STXBP6: variants seen among roughly 807,000 people sequenced by gnomAD.
STXBP6 encodes the protein syntaxin binding protein 6, also known as syntaxin-binding protein 6.
Under a neutral mutation model 26.9 loss-of-function variants are expected in STXBP6, and 21 were observed. That is an observed-to-expected ratio of 0.78 (90% CI 0.55 to 1.12). The LOEUF (loss-of-function observed/expected upper bound fraction) is 1.12, where lower values mean the gene tolerates loss of function less well. Among genes scored for constraint, STXBP6 ranks in the 50% most tolerant of loss-of-function variants. The pLI, the probability that STXBP6 is intolerant of heterozygous loss-of-function variation, is 0.00. For synonymous variants in STXBP6, 97 were observed against 92.6 expected, an observed-to-expected ratio of 1.05 and a Z score of -0.27; for missense variants, 232 against 257.9, an observed-to-expected ratio of 0.90 and a Z score of 0.69.
intron 2 of STXBP6, among the ~76,000 whole-genome samples, chr14:24,973,379 C>CTTTTTTTTT (rs1057437135): frequency 5.2e-5 from 4 of 76,800 alleles, no homozygotes; most frequent in African/African-American, 6.9e-5. Context: ...AGCTTTCTTC[C>CTTTTTTTTT]TTTTTTTTTT....
intron 2 of STXBP6, among the ~76,000 whole-genome samples, chr14:24,883,489 T>C (rs1384321425): frequency 3.9e-5 from 6 of 152,194 alleles, no homozygotes; most frequent in Admixed American, 3.3e-4. Context: ...AAAAATTGTA[T>C]CAAGGAAACC....
At chr14:25,039,070 T>C (rs908328452) in intron 1 of STXBP6, among the ~76,000 whole-genome samples, 26 of 152,210 alleles carry the variant, frequency 1.7e-4, no homozygotes, top group African/African-American at 6.3e-4. Flanking sequence ...GTTAACTAGC[T>C]TGATTTAGTC....
chr14:24,850,911 A>T (rs8014742), intron 4 of STXBP6, among the ~76,000 whole-genome samples: 19,885 of 152,132 alleles, frequency 0.13, 1,445 homozygotes, highest in African/African-American at 0.19. Context: ...TGAAGAATAA[A>T]TTATTTTTTC....
At chr14:24,924,773 G>A (rs1347211703) in intron 2 of STXBP6, among the ~76,000 whole-genome samples, 1 of 152,128 alleles carries the variant, frequency 6.6e-6, no homozygotes, top group East Asian at 1.9e-4. Context: ...ACCCATACAG[G>A]GTCATGGCTC....
At chr14:24,885,243 T>C (rs541809453) in intron 2 of STXBP6, among the ~76,000 whole-genome samples, 45 of 152,298 alleles carry the variant, frequency 3.0e-4, no homozygotes, top group Non-Finnish European at 5.7e-4. Context: ...ACCTGATACG[T>C]TGGAATTGAG....
At chr14:24,913,451 T>C (rs932687862) in intron 2 of STXBP6, among the ~76,000 whole-genome samples, 1 of 152,126 alleles carries the variant, frequency 6.6e-6, no homozygotes. Flanking sequence ...ATGCATCCCT[T>C]GAATATGTAC....
At position 24,845,749 on chromosome 14, in the gene STXBP6, A is replaced by G. The variant is rs913693273; in HGVS notation, c.451+10187T>C. 5.3e-5 allele frequency among the ~76,000 whole-genome samples: 8 copies of G among 152,294 alleles called. 2 individuals are homozygous for G. Among genetic ancestry groups the G allele is most frequent in the Admixed American group, 3.9e-4 (6 of 15,290 alleles). On this transcript the variant is annotated intron_variant, in intron 4 of 5. Coordinates refer to ENST00000323944, the MANE Select transcript of STXBP6 (RefSeq NM_001394410.1). Reference sequence around the variant, plus strand: ...GTGCATGGTAAGAGGGACTTTGCAGATATGATAAGTATCTCCAGAGGGGAA... The same window carrying G: ...GTGCATGGTAAGAGGGACTTTGCAGGTATGATAAGTATCTCCAGAGGGGAA...
At chr14:24,958,100 T>C (rs1265331100) in intron 2 of STXBP6, among the ~76,000 whole-genome samples, 2 of 152,196 alleles carry the variant, frequency 1.3e-5, no homozygotes, top group African/African-American at 4.8e-5. Flanking sequence ...CTCTACAAAG[T>C]ACCTCTCATA....
chr14:25,048,843 T>G (rs1485034123), intron 1 of STXBP6: 1 of 152,280 alleles, frequency 6.6e-6, no homozygotes, highest in Non-Finnish European at 1.5e-5. Flanking sequence ...CAGGAAAAAT[T>G]CGTCGGCATC....
chr14:25,040,393 G>A lies in STXBP6; in HGVS notation c.-33+9485C>T, dbSNP rs114479063. On this transcript the variant is annotated intron_variant, in intron 1 of 5. Transcript: ENST00000323944. ...ATTTGAGAGCTAAAAGTCTACTGAGGCTGCTACATAGTACTGCAGGACCTT... is the reference window on the plus strand; with the variant it reads ...ATTTGAGAGCTAAAAGTCTACTGAGACTGCTACATAGTACTGCAGGACCTT... 8.7e-3 allele frequency among the ~76,000 whole-genome samples: 1,331 copies of A among 152,238 alleles called. 16 individuals carry two copies. The highest frequency in any genetic ancestry group is 0.029 in the African/African-American group (1,202 of 41,534).
chr14:24,842,190 C>G (rs551930869), intron 4 of STXBP6, among the ~76,000 whole-genome samples: 1 of 152,320 alleles, frequency 6.6e-6, no homozygotes, highest in African/African-American at 2.4e-5. Flanking sequence ...TCTTGCCTCT[C>G]TGGAACACAG....
At chr14:24,932,874 A>T (rs1434533312) in intron 2 of STXBP6, among the ~76,000 whole-genome samples, 1 of 95,520 alleles carries the variant, frequency 1.0e-5, no homozygotes, top group Non-Finnish European at 2.3e-5. Context: ...TGGTGAACAA[A>T]GAGGAAATCA....
At chr14:24,919,661 A>C (rs748170893) in intron 2 of STXBP6, among the ~76,000 whole-genome samples, 5 of 151,996 alleles carry the variant, frequency 3.3e-5, no homozygotes, top group Admixed American at 2.6e-4. Context: ...AAATCTGTGA[A>C]TGCACCTCAC....
intron 1 of STXBP6, among the ~76,000 whole-genome samples, chr14:25,047,172 C>CA (rs967764716): frequency 2.6e-5 from 4 of 151,882 alleles, no homozygotes; most frequent in Non-Finnish European, 4.4e-5. Flanking sequence ...GAGGTTTCTC[C>CA]AAAAAAGGAA....
At chr14:24,911,060 C>T (rs1438616417) in intron 2 of STXBP6, among the ~76,000 whole-genome samples, 2 of 152,140 alleles carry the variant, frequency 1.3e-5, no homozygotes, top group Non-Finnish European at 2.9e-5. Flanking sequence ...TGCATTGGCT[C>T]ACACCTGTAA....
intron 1 of STXBP6, among the ~76,000 whole-genome samples, chr14:25,034,443 C>T (rs541606134): frequency 3.9e-5 from 6 of 152,312 alleles, no homozygotes; most frequent in South Asian, 2.1e-4. Context: ...AAAATGCAGT[C>T]GCTCATACTG....
intron 2 of STXBP6, among the ~76,000 whole-genome samples, chr14:24,964,912 G>A (rs2073684286): frequency 6.6e-6 from 1 of 152,094 alleles, no homozygotes; most frequent in Admixed American, 6.6e-5. Context: ...ACAGGACTTC[G>A]ATTGACTAAC....
chr14:24,923,485 G>T (rs1462380017), intron 2 of STXBP6, among the ~76,000 whole-genome samples: 1 of 152,070 alleles, frequency 6.6e-6, no homozygotes, highest in Non-Finnish European at 1.5e-5. Flanking sequence ...ATAAGTACTA[G>T]CCAAGCCCTA....
At chr14:24,874,462 T>C (rs1481330944) in intron 2 of STXBP6, among the ~76,000 whole-genome samples, 7 of 152,084 alleles carry the variant, frequency 4.6e-5, no homozygotes, top group Admixed American at 1.3e-4. Context: ...GACTTTATTA[T>C]GCTATAGGGT....
Sources: gnomAD v4.1 joint callset for allele counts (sites outside exome capture counted in the v4.1 genomes callset) on GRCh38, gnomAD v4.1.1 for gene constraint, MANE v1.5 for transcripts, NCBI Gene and HGNC (gene_info 2026-07-23, HGNC 2026-07-21) for gene names.